The following RPP38 variants were observed in gnomAD, a reference collection of about 807,000 sequenced individuals.
RPP38 encodes ribonuclease P/MRP subunit p38, also known as ribonuclease P protein subunit p38.
Under a neutral mutation model 1.7 loss-of-function variants are expected in RPP38, and 2 were observed. The observed-to-expected ratio is 1.18, with a 90% CI of 0.48 to 3.70. The LOEUF (loss-of-function observed/expected upper bound fraction) is 3.70, where lower values mean the gene tolerates loss of function less well. Among genes scored for constraint, RPP38 ranks in the 30% most tolerant of loss-of-function variants. RPP38 has a pLI of 0.07. For missense variants in RPP38, 358 were observed against 340.1 expected (o/e 1.05, Z -0.41); for synonymous variants, 151 against 131.8 (o/e 1.15, Z -1.00).
intron 1 of RPP38, among the ~76,000 whole-genome samples, chr10:15,098,756 C>T (rs1368347129): frequency 6.6e-6 from 1 of 151,454 alleles, no homozygotes; most frequent in Admixed American, 6.6e-5. Flanking sequence ...CGTGATGGCC[C>T]GTGCCTGTAG....
intron 1 of RPP38, among the ~76,000 whole-genome samples, chr10:15,101,473 C>T (rs1845106238): frequency 6.6e-6 from 1 of 152,298 alleles, no homozygotes; most frequent in African/African-American, 2.4e-5. Context: ...TAGTTTATAA[C>T]ATTTTCCCCA....
At chr10:15,100,393 C>A (rs1319363111) in intron 1 of RPP38, among the ~76,000 whole-genome samples, 1 of 152,126 alleles carries the variant, frequency 6.6e-6, no homozygotes. Context: ...TTCCTGATTT[C>A]CTGAGCTCTA....
In RPP38 at chr10:15,097,443, C is replaced by T. The variant is rs1457363147; in HGVS notation, c.-453C>T. 1 of 152,330 alleles carries T rather than the reference C, an allele frequency of 6.6e-6. No individual in the cohort carries two copies. Among genetic ancestry groups the T allele is most frequent in the African/African-American group, 2.4e-5 (1 of 41,472 alleles). The allele number at this position is 152,330 out of a possible 1,614,324, so 9.4% of individuals were successfully genotyped here. Reference sequence around the variant, plus strand: ...GCGGGGCCCACGTAGGGCAGGAGGCCAGCCCCGGGGGGATCGGGCCCGGGA... The same window carrying T: ...GCGGGGCCCACGTAGGGCAGGAGGCTAGCCCCGGGGGGATCGGGCCCGGGA... On this transcript the variant is annotated 5_prime_UTR_variant, in exon 1 of 3. Coordinates refer to ENST00000378197, the MANE Select transcript of RPP38 (RefSeq NM_183005.5).
intron 2 of RPP38, 78 bp from the exon 3 acceptor site, chr10:15,103,227 A>AG: frequency 8.4e-7 from 1 of 1,195,734 alleles, no homozygotes; most frequent in Non-Finnish European, 1.2e-6. Flanking sequence ...AGAATCAGAG[A>AG]GTACAGTCAA....
chr10:15,103,171 A>G, intron 2 of RPP38, 134 bp from the exon 3 acceptor site: 1 of 813,022 alleles, frequency 1.2e-6, no homozygotes, highest in Non-Finnish European at 1.8e-6. Context: ...CAGCCTGGGC[A>G]ACAAGAGTGA....
In RPP38 at chr10:15,100,448, C is replaced by T. The variant is rs536967933; in HGVS notation, c.-129-1770C>T. 8.5e-5 allele frequency among the ~76,000 whole-genome samples: 13 copies of T among 152,128 alleles called. No homozygotes were observed. In the East Asian group the frequency reaches 1.9e-3, roughly 23 times the overall value. On this transcript the variant is annotated intron_variant, in intron 1 of 2. Coordinates refer to ENST00000378197, the MANE Select transcript of RPP38 (RefSeq NM_183005.5). ...GGGTCAGGGGACACAGTGTGGCCAC[C>T]GTGAAGGAAGCAGCTTAGGCCCCAG...
intron 1 of RPP38, among the ~76,000 whole-genome samples, chr10:15,098,054 C>A (rs983675422): frequency 6.6e-6 from 1 of 152,112 alleles, no homozygotes; most frequent in African/African-American, 2.4e-5. Flanking sequence ...CCCAGATCCA[C>A]AAAGATCTAT....
rs750613703 is a variant in RPP38, at chr10:15,103,761, G to T, written c.447G>T (p.Gln149His). ...KPAMITSHLI[Q>H]LSLSRSVPAC... ...CCATGATCACCTCACACTTGATTCA[G>T]TTAAGCCTAAGCAGAAGTGTCCCTG... Residue 149 changes from glutamine to histidine, a missense_variant, in exon 3 of 3, where the codon CAG becomes CAT. By Grantham distance (24) the Gln-to-His change is conservative. Transcript: ENST00000378197. 1.6e-5 allele frequency: 26 copies of T among 1,613,876 alleles called. No homozygotes were observed. The highest frequency in any genetic ancestry group is 3.3e-4 in the Middle Eastern group (2 of 6,084).
intron 1 of RPP38, among the ~76,000 whole-genome samples, chr10:15,101,053 A>G (rs1845095378): frequency 1.3e-5 from 2 of 152,204 alleles, no homozygotes; most frequent in Admixed American, 1.3e-4. Context: ...ATCTGGGTTG[A>G]GGACCAAGCA....
chr10:15,103,572 TAGTG>T lies in RPP38; in HGVS notation c.261_264del (p.Ser87ArgfsTer3). 6.2e-7 allele frequency: 1 copy of T among 1,614,040 alleles called. No individual in the cohort carries two copies. Among genetic ancestry groups the T allele is most frequent in the Non-Finnish European group, 8.5e-7 (1 of 1,180,016 alleles). On this transcript the variant is annotated frameshift_variant, in exon 3 of 3. Coordinates refer to ENST00000378197, the MANE Select transcript of RPP38 (RefSeq NM_183005.5). LOFTEE classifies it low-confidence loss of function (END_TRUNC). ...AGAAATGCAGCATTGCTGTTGATATTAGTGAGAATCTGAAGGAGAAGAAAACAGA... is the reference window on the plus strand; with the variant it reads ...AGAAATGCAGCATTGCTGTTGATATTAGAATCTGAAGGAGAAGAAAACAGA...
chr10:15,100,058 A>G (rs1311813687), intron 1 of RPP38, among the ~76,000 whole-genome samples: 1 of 152,226 alleles, frequency 6.6e-6, no homozygotes, highest in Non-Finnish European at 1.5e-5. Flanking sequence ...CTAAAGCTAT[A>G]AAATCTTATC....
rs147376882 is a variant in RPP38, at chr10:15,102,950, G to T, written c.-10-355G>T. The T allele has an allele frequency of 1.6e-3, 264 of 166,716 alleles. 2 individuals carry two copies. The highest frequency in any genetic ancestry group is 5.7e-3 in the African/African-American group (237 of 41,672). 10.3% of individuals were successfully genotyped at this position (166,716 alleles called of 1,614,324 possible). On this transcript the variant is annotated intron_variant, in intron 2 of 2. Transcript: ENST00000378197. ...TGCCTGTAATCCCAGCACTTTGGGA[G>T]GCCGAGGTGGGTGGATCACCTGAGG... is the stretch of plus-strand genomic sequence containing the variant.
chr10:15,100,305 T>C (rs1247452095), intron 1 of RPP38, among the ~76,000 whole-genome samples: 1 of 152,168 alleles, frequency 6.6e-6, no homozygotes, highest in Non-Finnish European at 1.5e-5. Flanking sequence ...CTGTCACTTA[T>C]TTCCCTCTTC....
Position 15,103,786 on chromosome 10 carries a change from G to C in RPP38, c.472G>C (p.Ala158Pro). The C allele has an allele frequency of 6.2e-7, 1 of 1,614,026 alleles. No homozygotes were observed. The highest frequency in any genetic ancestry group is 8.5e-7 in the Non-Finnish European group (1 of 1,180,034). ...IQLSLSRSVP[A>P]CQVPRLSERI... ...GTTAAGCCTAAGCAGAAGTGTCCCT[G>C]CCTGTCAGGTCCCCCGGCTCAGTGA... Residue 158 changes from alanine to proline, a missense_variant, in exon 3 of 3, where the codon GCC (alanine) becomes CCC (proline). Physicochemically the swap from Ala to Pro is conservative, Grantham distance 27. Transcript: ENST00000378197.
At chr10:15,100,115 C>T (rs1845070103) in intron 1 of RPP38, among the ~76,000 whole-genome samples, 1 of 152,180 alleles carries the variant, frequency 6.6e-6, no homozygotes, top group African/African-American at 2.4e-5. Flanking sequence ...TTATGCTTAT[C>T]CAGACTACTT....
At chr10:15,099,602 C>T (rs756871787) in intron 1 of RPP38, among the ~76,000 whole-genome samples, 6 of 151,872 alleles carry the variant, frequency 4.0e-5, no homozygotes, top group Non-Finnish European at 7.4e-5. Flanking sequence ...AGCCACCCAC[C>T]TAAGTAGCTG....
chr10:15,101,914 A>G (rs1471171644), intron 1 of RPP38, among the ~76,000 whole-genome samples: 2 of 152,140 alleles, frequency 1.3e-5, no homozygotes, highest in Non-Finnish European at 2.9e-5. Context: ...AAGGGAGTGT[A>G]TGCCTGCATA....
At position 15,098,905 on chromosome 10, in the gene RPP38, A is replaced by AAAAAAAGTC. The variant is rs1554818067; in HGVS notation, c.-130+1140_-130+1141insAAAAAGTCA. ...GTCTCAAAAAAAAAAAAAAAAAAAAAAGTTCCTCTGTGAGGACTGCCTTTT... is the reference window on the plus strand; with the variant it reads ...GTCTCAAAAAAAAAAAAAAAAAAAAAAAAAAAGTCAGTTCCTCTGTGAGGACTGCCTTTT... On this transcript the variant is annotated intron_variant, in intron 1 of 2. Coordinates refer to ENST00000378197, the MANE Select transcript of RPP38 (RefSeq NM_183005.5). Among the ~76,000 whole-genome samples the AAAAAAAGTC allele has an allele frequency of 1.1e-4, 15 of 137,032 alleles. 1 individual carries two copies. The highest frequency in any genetic ancestry group is 4.6e-4 in the African/African-American group (15 of 32,656). 89.9% of individuals were successfully genotyped at this position (137,032 alleles called of 152,430 possible).
chr10:15,097,384 C>T lies in RPP38; in HGVS notation c.-512C>T, dbSNP rs994299687. The T allele has an allele frequency of 3.3e-5, 5 of 152,444 alleles. 1 individual carries two copies. In the East Asian group the frequency reaches 7.7e-4, roughly 24 times the overall value. 9.4% of individuals were successfully genotyped at this position (152,444 alleles called of 1,614,324 possible). ...GCCGGTGCTGTTGCCTTCAGGTGAC[C>T]ACGGATTCGCCATCGTGAGTTCCAG... On this transcript the variant is annotated 5_prime_UTR_variant, in exon 1 of 3. Transcript: ENST00000378197.
Sources: allele counts gnomAD v4.1 joint callset (sites outside exome capture counted in the v4.1 genomes callset), GRCh38; gene constraint gnomAD v4.1.1; transcripts MANE v1.5; gene names NCBI Gene and HGNC (gene_info 2026-07-23, HGNC 2026-07-21).